The following CACHD1 variants were observed in gnomAD, a reference collection of about 807,000 sequenced individuals.
CACHD1 encodes VWFA and cache domain-containing protein 1.
A neutral mutation model predicts 138.7 loss-of-function variants in CACHD1; 71 were observed. The observed-to-expected ratio is 0.51, with a 90% confidence interval of 0.42 to 0.62. The LOEUF is 0.62. Among genes scored for constraint, CACHD1 ranks in the 20% least tolerant of loss-of-function variants. The probability of loss-of-function intolerance (pLI) is 0.00; values close to 1 mark genes in which losing one functional copy is unlikely to be tolerated. For synonymous variants in CACHD1, 578 were observed against 591.5 expected, an observed-to-expected ratio of 0.98 and a Z score of 0.33; for missense variants, 1,389 against 1,625.3, an observed-to-expected ratio of 0.85 and a Z score of 2.50.
At chr1:64,551,888 A>G (rs944247429) in intron 2 of CACHD1, among the ~76,000 whole-genome samples, 2 of 152,206 alleles carry the variant, frequency 1.3e-5, no homozygotes, top group African/African-American at 4.8e-5. Flanking sequence ...AATAGGATGT[A>G]GTTTGCTGTG....
chr1:64,489,916 T>C (rs1195689580), intron 1 of CACHD1, among the ~76,000 whole-genome samples: 1 of 152,226 alleles, frequency 6.6e-6, no homozygotes, highest in African/African-American at 2.4e-5. Context: ...GAGCATTTAC[T>C]ATGCACTGCA....
chr1:64,511,378 G>A (rs1248523463), intron 1 of CACHD1, among the ~76,000 whole-genome samples: 1 of 152,130 alleles, frequency 6.6e-6, no homozygotes, highest in East Asian at 1.9e-4. Context: ...TTCCATTATA[G>A]CATGCTAGGA....
At chr1:64,661,209 G>T (rs186986339) in intron 13 of CACHD1, among the ~76,000 whole-genome samples, 35 of 152,302 alleles carry the variant, frequency 2.3e-4, no homozygotes, top group Admixed American at 1.8e-3. Flanking sequence ...TTAGAGGCCA[G>T]GTCTTAAATA....
intron 3 of CACHD1, among the ~76,000 whole-genome samples, chr1:64,582,977 A>G (rs1347286241): frequency 6.6e-6 from 1 of 152,198 alleles, no homozygotes; most frequent in African/African-American, 2.4e-5. Flanking sequence ...TTTTCTACCA[A>G]TGTGGAAAAT....
chr1:64,649,040 GATATT>G (rs1217281652), intron 9 of CACHD1, among the ~76,000 whole-genome samples: 2 of 152,010 alleles, frequency 1.3e-5, no homozygotes, highest in African/African-American at 4.8e-5. Context: ...TGCCATTTGA[GATATT>G]ATATTTATGT....
At chr1:64,611,398 TA>T (rs746077695) in intron 4 of CACHD1, among the ~76,000 whole-genome samples, 8 of 152,222 alleles carry the variant, frequency 5.3e-5, no homozygotes, top group Non-Finnish European at 1.0e-4. Flanking sequence ...CTTTTAAATA[TA>T]AATTCCAGTT....
At chr1:64,487,888 AC>A (rs1236205717) in intron 1 of CACHD1, among the ~76,000 whole-genome samples, 1 of 152,212 alleles carries the variant, frequency 6.6e-6, no homozygotes. Flanking sequence ...GGTGGGGTTT[AC>A]ATTTTACAAA....
intron 26 of CACHD1, among the ~76,000 whole-genome samples, chr1:64,689,684 C>T (rs1010608504): frequency 6.6e-6 from 1 of 152,170 alleles, no homozygotes; most frequent in Non-Finnish European, 1.5e-5. Flanking sequence ...CTGCCCTACC[C>T]TCCAGCTACC....
intron 3 of CACHD1, among the ~76,000 whole-genome samples, chr1:64,595,102 G>A (rs1557510833): frequency 6.6e-6 from 1 of 152,158 alleles, no homozygotes; most frequent in Non-Finnish European, 1.5e-5. Flanking sequence ...CATGTGTGCT[G>A]GTAGATGGAA....
At chr1:64,653,115 T>A (rs1649149389) in intron 10 of CACHD1, among the ~76,000 whole-genome samples, 1 of 152,132 alleles carries the variant, frequency 6.6e-6, no homozygotes, top group Non-Finnish European at 1.5e-5. Context: ...GAGGCCATTA[T>A]CCTTAGCAAA....
chr1:64,594,169 G>A (rs992994138), intron 3 of CACHD1, among the ~76,000 whole-genome samples: 8 of 151,584 alleles, frequency 5.3e-5, no homozygotes, highest in Non-Finnish European at 7.4e-5. Context: ...TAAGAGAATC[G>A]CTTGAACTCG....
chr1:64,555,689 G>A (rs762423925), intron 2 of CACHD1, among the ~76,000 whole-genome samples: 19 of 152,136 alleles, frequency 1.2e-4, no homozygotes, highest in Admixed American at 6.5e-4. Context: ...CCAAAGTCCT[G>A]GGATTACAGG....
At chr1:64,561,072 T>C (rs1387059372) in intron 2 of CACHD1, among the ~76,000 whole-genome samples, 1 of 152,066 alleles carries the variant, frequency 6.6e-6, no homozygotes, top group African/African-American at 2.4e-5. Flanking sequence ...TAGATGAGAC[T>C]TGTTTTTTTT....
chr1:64,638,871 T>C (rs564836377), intron 7 of CACHD1, among the ~76,000 whole-genome samples: 1 of 152,160 alleles, frequency 6.6e-6, no homozygotes, highest in Non-Finnish European at 1.5e-5. Flanking sequence ...TTGACAGATC[T>C]GATAAGAATG....
At position 64,570,893 on chromosome 1, in the gene CACHD1, G is replaced by C. The variant is rs138859180; in HGVS notation, c.262-11263G>C. Among the ~76,000 whole-genome samples the C allele has an allele frequency of 3.4e-4, 51 of 152,052 alleles. No homozygotes were observed. The Middle Eastern group carries it at 0.01, about 30-fold the overall frequency. ...GGGCGGGGGTGAGGGTGCTGTTACT[G>C]TTGGCTTAAAAAATTTTTTTTCCCA... On this transcript the variant is annotated intron_variant, in intron 2 of 26. Transcript: ENST00000651257.
intron 2 of CACHD1, among the ~76,000 whole-genome samples, chr1:64,580,729 C>T (rs1647005252): frequency 1.3e-5 from 2 of 152,256 alleles, no homozygotes; most frequent in Admixed American, 6.5e-5. Context: ...TTTTGGGGTG[C>T]TGTCCTGTGC....
chr1:64,512,735 G>T (rs1484975192), intron 1 of CACHD1, among the ~76,000 whole-genome samples: 1 of 152,178 alleles, frequency 6.6e-6, no homozygotes, highest in Admixed American at 6.6e-5. Flanking sequence ...TGGATTAGTT[G>T]TAACTTCATG....
At chr1:64,622,870 T>C (rs944843501) in intron 4 of CACHD1, among the ~76,000 whole-genome samples, 3 of 152,212 alleles carry the variant, frequency 2.0e-5, no homozygotes, top group South Asian at 2.1e-4. Flanking sequence ...ATAATTGACA[T>C]CCAATAAACT....
intron 3 of CACHD1, among the ~76,000 whole-genome samples, chr1:64,600,435 G>A (rs144275971): frequency 2.0e-5 from 3 of 152,278 alleles, no homozygotes; most frequent in African/African-American, 7.2e-5. Flanking sequence ...AGGTGGTTCT[G>A]AAGTAGCTAG....
Sources: gnomAD v4.1 joint callset for allele counts (sites outside exome capture counted in the v4.1 genomes callset) on GRCh38, gnomAD v4.1.1 for gene constraint, MANE v1.5 for transcripts, NCBI Gene and HGNC (gene_info 2026-07-23, HGNC 2026-07-21) for gene names.